LRPPRC: variants seen among roughly 807,000 people sequenced by gnomAD.
LRPPRC encodes the protein leucine-rich PPR motif-containing protein, mitochondrial.
LRPPRC carries 120 observed loss-of-function variants against 180.3 expected under a neutral mutation model. The ratio of observed to expected loss-of-function variants is 0.67; its 90% CI spans 0.57 to 0.77. The LOEUF is 0.77. Ranked by LOEUF, LRPPRC falls within the 30% of genes least tolerant of loss-of-function variation. LRPPRC has a pLI of 0.00. For synonymous variants in LRPPRC, 723 were observed against 600.0 expected (o/e 1.21, Z -3.00); for missense variants, 2,012 against 1,657.2 (o/e 1.21, Z -3.72).
chr2:43,967,675 C>A (rs1430804913), intron 11 of LRPPRC, among the ~76,000 whole-genome samples: 1 of 152,140 alleles, frequency 6.6e-6, no homozygotes, highest in Non-Finnish European at 1.5e-5. Context: ...GCCTGGACAA[C>A]AGAGCGAGAC....
chr2:43,921,396 G>T (rs536160749), intron 27 of LRPPRC, among the ~76,000 whole-genome samples: 2 of 152,148 alleles, frequency 1.3e-5, no homozygotes, highest in African/African-American at 2.4e-5. Context: ...CAGCAGTTAA[G>T]ATTCGTATTA....
chr2:43,902,226 T>C (rs570764575), intron 31 of LRPPRC: 9 of 152,314 alleles, frequency 5.9e-5, no homozygotes, highest in African/African-American at 2.2e-4. Context: ...GGAGTTTTGT[T>C]TGTATGTTTT....
intron 25 of LRPPRC, among the ~76,000 whole-genome samples, chr2:43,932,170 A>T (rs919397622): frequency 1.4e-5 from 2 of 147,470 alleles, no homozygotes; most frequent in African/African-American, 5.0e-5. Context: ...AGACTGTCAA[A>T]TATACTACAT....
At chr2:43,915,260 A>T (rs1431144953) in intron 29 of LRPPRC, among the ~76,000 whole-genome samples, 16 of 146,182 alleles carry the variant, frequency 1.1e-4, no homozygotes, top group African/African-American at 2.6e-4. Flanking sequence ...ACACACACAC[A>T]CACACACACA....
chr2:43,943,743 C>A lies in LRPPRC; in HGVS notation c.2448G>T (p.Gly816=), dbSNP rs1394040536. 6.2e-7 allele frequency: 1 copy of A among 1,613,416 alleles called. No homozygotes were observed. Among genetic ancestry groups the A allele is most frequent in the East Asian group, 2.2e-5 (1 of 44,886 alleles). ...KQLHEAIVTL[G]LAEPSTNISF... ...TTATGTTGGTGGATGGTTCTGCTAA[C>A]CCTAGAGTCACGATGGCTTCATGCA... The change falls in exon 23 of 38, where the codon GGG becomes GGT. Residue 816 remains glycine (G), a synonymous_variant. Transcript: ENST00000260665.
chr2:43,915,857 T>G (rs566284120), intron 29 of LRPPRC, among the ~76,000 whole-genome samples: 1 of 152,260 alleles, frequency 6.6e-6, no homozygotes, highest in East Asian at 1.9e-4. Context: ...AGCTTCAACC[T>G]CCGGCTCAGC....
At chr2:43,926,082 T>C in intron 25 of LRPPRC, 121 bp from the exon 26 acceptor site, 1 of 667,958 alleles carries the variant, frequency 1.5e-6, no homozygotes, top group South Asian at 1.7e-5. Context: ...TAAACTTATA[T>C]ACTAAACTAT....
chr2:43,977,069 C>A lies in LRPPRC; in HGVS notation c.592-17G>T, dbSNP rs1008598394. On this transcript the variant is annotated splice_polypyrimidine_tract_variant and intron_variant, in intron 4 of 37. Coordinates refer to ENST00000260665, the MANE Select transcript of LRPPRC (RefSeq NM_133259.4). The stretch of plus-strand genomic sequence containing the variant: ...GTATGTCACCTGTCAATGAAATGGG[C>A]CAGTTAATTTTAAATATACTTTTTT... 3.1e-6 allele frequency: 5 copies of A among 1,611,464 alleles called. No homozygotes were observed. Among genetic ancestry groups the A allele is most frequent in the Non-Finnish European group, 4.2e-6 (5 of 1,178,146 alleles).
In LRPPRC at chr2:43,888,488, T is replaced by C; in HGVS notation, c.*112A>G. On this transcript the variant is annotated 3_prime_UTR_variant, in exon 38 of 38. Transcript: ENST00000260665. The stretch of plus-strand genomic sequence containing the variant: ...TAAGACTTTGAACATGCATCACACA[T>C]ACATAAGTACATAAAGAAAATTTTC... 1 of 706,624 alleles carries C rather than the reference T, an allele frequency of 1.4e-6. No individual in the cohort carries two copies. Among genetic ancestry groups the C allele is most frequent in the East Asian group, 2.8e-5 (1 of 35,854 alleles). The allele number at this position is 706,624 out of a possible 1,614,324, so 43.8% of individuals were successfully genotyped here.
chr2:43,948,300 C>G, intron 17 of LRPPRC, 101 bp from the exon 18 acceptor site: 1 of 929,808 alleles, frequency 1.1e-6, no homozygotes, highest in South Asian at 1.3e-5. Flanking sequence ...AAGTCTCCAA[C>G]TCTTGCATGT....
At chr2:43,969,566 G>T (rs768781429) in intron 11 of LRPPRC, among the ~76,000 whole-genome samples, 5 of 152,064 alleles carry the variant, frequency 3.3e-5, no homozygotes, top group Admixed American at 6.5e-5. Context: ...GTGGCTCCTT[G>T]TTGCCAATAT....
chr2:43,973,548 T>C, intron 11 of LRPPRC, 59 bp downstream of exon 11: 1 of 1,050,116 alleles, frequency 9.5e-7, no homozygotes, highest in Non-Finnish European at 1.5e-6. Context: ...TAGATGTGCG[T>C]GCAAACTGTC....
intron 34 of LRPPRC, among the ~76,000 whole-genome samples, chr2:43,898,216 C>T (rs1670758890): frequency 6.6e-6 from 1 of 151,766 alleles, no homozygotes; most frequent in Admixed American, 6.6e-5. Context: ...AAACTGTTAA[C>T]AGAGATACAG....
intron 1 of LRPPRC, among the ~76,000 whole-genome samples, chr2:43,986,842 C>A (rs906665599): frequency 3.9e-5 from 6 of 152,184 alleles, no homozygotes; most frequent in African/African-American, 1.4e-4. Context: ...CTAGACAGTG[C>A]AAAGTCTCTA....
chr2:43,905,186 T>G (rs1402696062), intron 31 of LRPPRC, among the ~76,000 whole-genome samples: 2 of 152,202 alleles, frequency 1.3e-5, no homozygotes, highest in East Asian at 3.8e-4. Context: ...AAGTATTAGA[T>G]TAAGTTTTAA....
At chr2:43,988,365 C>T (rs1348930611) in intron 1 of LRPPRC, among the ~76,000 whole-genome samples, 1 of 151,940 alleles carries the variant, frequency 6.6e-6, no homozygotes, top group Non-Finnish European at 1.5e-5. Context: ...GAAGAAACCC[C>T]ATCTCTACTA....
intron 31 of LRPPRC, chr2:43,903,897 T>C (rs915570733): frequency 2.0e-5 from 3 of 152,234 alleles, no homozygotes; most frequent in Non-Finnish European, 2.9e-5. Flanking sequence ...TTTCATTGTT[T>C]TAAAATTGTT....
chr2:43,991,155 G>A (rs906768504), intron 1 of LRPPRC, among the ~76,000 whole-genome samples: 1 of 150,766 alleles, frequency 6.6e-6, no homozygotes, highest in Non-Finnish European at 1.5e-5. Flanking sequence ...TCAGCCTCCC[G>A]AGTAGCTGGG....
intron 30 of LRPPRC, 79 bp from the exon 31 acceptor site, chr2:43,905,859 A>G: frequency 1.0e-6 from 1 of 958,240 alleles, no homozygotes; most frequent in Non-Finnish European, 1.7e-6. Flanking sequence ...CCAAGGTGAA[A>G]TTATAAAAAC....
Sources: gnomAD v4.1 joint callset for allele counts (sites outside exome capture counted in the v4.1 genomes callset) on GRCh38, gnomAD v4.1.1 for gene constraint, MANE v1.5 for transcripts, NCBI Gene and HGNC (gene_info 2026-07-23, HGNC 2026-07-21) for gene names.